BMPER: variants seen among roughly 807,000 people sequenced by gnomAD.
BMPER encodes the protein BMP-binding endothelial regulator protein.
BMPER carries 45 observed loss-of-function variants against 87.3 expected under a neutral mutation model. The ratio of observed to expected loss-of-function variants is 0.52; its 90% CI spans 0.41 to 0.66. The LOEUF (loss-of-function observed/expected upper bound fraction) is 0.66. Ranked by LOEUF, BMPER falls within the 30% of genes least tolerant of loss-of-function variation. The pLI, the probability that BMPER is intolerant of heterozygous loss-of-function variation, is 0.00. For synonymous variants in BMPER, 326 were observed against 316.2 expected (o/e 1.03, Z -0.33); for missense variants, 784 against 867.5 (o/e 0.90, Z 1.21).
At chr7:34,109,296 CAG>C (rs1407688133) in intron 13 of BMPER, among the ~76,000 whole-genome samples, 5 of 152,176 alleles carry the variant, frequency 3.3e-5, no homozygotes, top group African/African-American at 1.2e-4. Flanking sequence ...CTCTCTTACT[CAG>C]GGGAGGGTCA....
intron 6 of BMPER, among the ~76,000 whole-genome samples, chr7:34,012,370 A>G (rs1786906117): frequency 6.6e-6 from 1 of 151,960 alleles, no homozygotes; most frequent in Non-Finnish European, 1.5e-5. Context: ...GTAGAAACCA[A>G]ATGTTGGTAT....
chr7:33,936,530 C>T (rs961031411), intron 2 of BMPER, among the ~76,000 whole-genome samples: 7 of 152,220 alleles, frequency 4.6e-5, no homozygotes, highest in African/African-American at 1.7e-4. Flanking sequence ...ATAAATCTCA[C>T]ATTTTGTTGA....
intron 3 of BMPER, among the ~76,000 whole-genome samples, chr7:33,942,977 T>C (rs1056719963): frequency 6.6e-6 from 1 of 152,190 alleles, no homozygotes; most frequent in African/African-American, 2.4e-5. Context: ...CTGGCCTCAC[T>C]TCCTCCCATG....
At chr7:33,907,635 G>C (rs1411413632) in intron 2 of BMPER, among the ~76,000 whole-genome samples, 2 of 152,162 alleles carry the variant, frequency 1.3e-5, no homozygotes, top group African/African-American at 2.4e-5. Flanking sequence ...ATGTGAATAA[G>C]AATTTCTGAG....
chr7:33,946,651 TGAG>T (rs1201452953), intron 3 of BMPER, among the ~76,000 whole-genome samples: 1 of 152,302 alleles, frequency 6.6e-6, no homozygotes, highest in East Asian at 1.9e-4. Flanking sequence ...GTTGATTGTT[TGAG>T]GAGGAGTAGA....
intron 6 of BMPER, among the ~76,000 whole-genome samples, chr7:34,020,858 TAACACACACAC>T (rs1787161750): frequency 8.2e-6 from 1 of 122,538 alleles, no homozygotes; most frequent in South Asian, 2.5e-4. Context: ...ATGAATTTCT[TAACACACACAC>T]ACACACACAC....
At chr7:33,951,554 A>G (rs997477411) in intron 3 of BMPER, among the ~76,000 whole-genome samples, 48 of 152,172 alleles carry the variant, frequency 3.2e-4, no homozygotes, top group Non-Finnish European at 1.3e-4. Flanking sequence ...TCTTAACACT[A>G]ACCTCAATTG....
intron 8 of BMPER, among the ~76,000 whole-genome samples, chr7:34,053,098 T>A (rs1372826965): frequency 6.6e-6 from 1 of 152,140 alleles, no homozygotes; most frequent in African/African-American, 2.4e-5. Flanking sequence ...AAGCCTGGCA[T>A]CCCATGAATG....
chr7:33,931,289 T>C (rs531088680), intron 2 of BMPER, among the ~76,000 whole-genome samples: 5 of 152,200 alleles, frequency 3.3e-5, no homozygotes, highest in Non-Finnish European at 7.3e-5. Context: ...TGCTGTGCTT[T>C]ACAAACTAAC....
intron 13 of BMPER, among the ~76,000 whole-genome samples, chr7:34,100,505 T>A (rs1258679335): frequency 3.9e-5 from 6 of 152,192 alleles, no homozygotes; most frequent in Non-Finnish European, 8.8e-5. Flanking sequence ...CCCCTTCTGC[T>A]GCCTGTGCAC....
chr7:33,935,544 TG>T (rs1425933294), intron 2 of BMPER, among the ~76,000 whole-genome samples: 3 of 151,282 alleles, frequency 2.0e-5, no homozygotes, highest in African/African-American at 7.3e-5. Context: ...GTCAGCCCCT[TG>T]AGGGCACTTA....
chr7:34,091,542 A>T (rs1472749584), intron 13 of BMPER, among the ~76,000 whole-genome samples: 4 of 152,204 alleles, frequency 2.6e-5, no homozygotes, highest in Non-Finnish European at 5.9e-5. Flanking sequence ...CAGTTGTAGC[A>T]CTTATCACAT....
At position 33,993,875 on chromosome 7, in the gene BMPER, T is replaced by C. The variant is rs141295506; in HGVS notation, c.576+19091T>C. Among the ~76,000 whole-genome samples the C allele has an allele frequency of 5.4e-3, 825 of 152,282 alleles. 9 individuals carry two copies. Among genetic ancestry groups the C allele is most frequent in the African/African-American group, 0.019 (770 of 41,572 alleles). ...CAGCTGCAGGTCTGTTGGAGTACCA[T>C]GCAGTGTGAGGTGTCAGTGTGCCCC... On this transcript the variant is annotated intron_variant, in intron 6 of 14. Transcript: ENST00000649409.
intron 6 of BMPER, among the ~76,000 whole-genome samples, chr7:34,022,543 C>G (rs1282383979): frequency 6.6e-6 from 1 of 151,808 alleles, no homozygotes; most frequent in Non-Finnish European, 1.5e-5. Flanking sequence ...TAATTCAAGT[C>G]TTTTTTTGAG....
intron 2 of BMPER, among the ~76,000 whole-genome samples, chr7:33,920,447 A>G (rs1223020958): frequency 3.3e-5 from 2 of 61,394 alleles, no homozygotes; most frequent in Non-Finnish European, 6.3e-5. Flanking sequence ...TTTTTTTGAG[A>G]CAGAGTCTTG....
intron 6 of BMPER, among the ~76,000 whole-genome samples, chr7:33,990,619 A>C (rs1200430741): frequency 1.6e-4 from 24 of 151,758 alleles, no homozygotes; most frequent in Admixed American, 3.3e-4. Context: ...CCTTCTCCTG[A>C]CTAATTGCCC....
chr7:33,953,105 A>G (rs1313659211), intron 3 of BMPER, among the ~76,000 whole-genome samples: 1 of 152,212 alleles, frequency 6.6e-6, no homozygotes, highest in East Asian at 1.9e-4. Flanking sequence ...GTGTCCAGGC[A>G]TTCTCCGAAC....
chr7:33,966,927 A>C (rs751198996), intron 4 of BMPER, among the ~76,000 whole-genome samples: 1 of 152,252 alleles, frequency 6.6e-6, no homozygotes, highest in African/African-American at 2.4e-5. Flanking sequence ...TAAAGGATGT[A>C]TGTTTCACTT....
chr7:34,132,001 C>G (rs991921817), intron 13 of BMPER, among the ~76,000 whole-genome samples: 1 of 152,052 alleles, frequency 6.6e-6, no homozygotes, highest in South Asian at 2.1e-4. Context: ...TACAGATTTT[C>G]ATTTACCTTC....
Sources: gnomAD v4.1 joint callset for allele counts (sites outside exome capture counted in the v4.1 genomes callset) on GRCh38, gnomAD v4.1.1 for gene constraint, MANE v1.5 for transcripts, NCBI Gene and HGNC (gene_info 2026-07-23, HGNC 2026-07-21) for gene names.